Variants in LRRC4C observed in about 807,000 individuals in gnomAD.
The protein encoded by LRRC4C is leucine rich repeat containing 4C.
LRRC4C carries 5 observed loss-of-function variants against 33.6 expected under a neutral mutation model. The ratio of observed to expected loss-of-function variants is 0.15; its 90% confidence interval spans 0.08 to 0.31. The LOEUF is 0.31. Ranked by LOEUF, LRRC4C falls within the 10% of genes least tolerant of loss-of-function variation. The pLI is 1.00. For missense variants in LRRC4C, 560 were observed against 796.7 expected (o/e 0.70, Z 3.58); for synonymous variants, 329 against 302.0 (o/e 1.09, Z -0.93).
chr11:40,982,933 C>T (rs1852645889), intron 1 of LRRC4C, among the ~76,000 whole-genome samples: 1 of 152,070 alleles, frequency 6.6e-6, no homozygotes, highest in Non-Finnish European at 1.5e-5. Flanking sequence ...GTTTGGTTTT[C>T]TGTTCTGGTG....
intron 1 of LRRC4C, among the ~76,000 whole-genome samples, chr11:41,082,741 TTC>T (rs929332522): frequency 1.1e-4 from 16 of 152,188 alleles, no homozygotes; most frequent in Non-Finnish European, 1.9e-4. Context: ...GTGCTACATT[TTC>T]TCTTTTCCTT....
chr11:40,705,405 G>T (rs1946107391), intron 2 of LRRC4C, among the ~76,000 whole-genome samples: 1 of 151,846 alleles, frequency 6.6e-6, no homozygotes, highest in East Asian at 2.0e-4. Context: ...CCCGCCCTGT[G>T]TCCAAGTGTT....
intron 3 of LRRC4C, among the ~76,000 whole-genome samples, chr11:40,490,813 G>C (rs1488013589): frequency 6.6e-6 from 1 of 152,086 alleles, no homozygotes; most frequent in Non-Finnish European, 1.5e-5. Flanking sequence ...TAAAAACCTG[G>C]TTTAGGAAAT....
intron 5 of LRRC4C, among the ~76,000 whole-genome samples, chr11:40,169,093 G>T (rs1859835423): frequency 6.6e-6 from 1 of 152,088 alleles, no homozygotes; most frequent in South Asian, 2.1e-4. Flanking sequence ...GAATGAGTAT[G>T]CACTCTCATT....
chr11:40,215,758 G>A (rs182723792), intron 5 of LRRC4C, among the ~76,000 whole-genome samples: 1 of 152,252 alleles, frequency 6.6e-6, no homozygotes. Context: ...CACATAGAGT[G>A]CAAACACAAA....
At chr11:40,751,631 G>A (rs1948695691) in intron 2 of LRRC4C, among the ~76,000 whole-genome samples, 2 of 152,168 alleles carry the variant, frequency 1.3e-5, no homozygotes, top group South Asian at 2.1e-4. Context: ...CACATCCCAT[G>A]CTCATGAATT....
chr11:40,457,717 C>T (rs1000034971), intron 3 of LRRC4C, among the ~76,000 whole-genome samples: 2 of 152,136 alleles, frequency 1.3e-5, no homozygotes, highest in Admixed American at 1.3e-4. Flanking sequence ...CTTTGATCTC[C>T]ACTTTCCTAG....
At chr11:40,602,305 A>G (rs1053295569) in intron 3 of LRRC4C, among the ~76,000 whole-genome samples, 1 of 152,138 alleles carries the variant, frequency 6.6e-6, no homozygotes, top group Non-Finnish European at 1.5e-5. Context: ...TAACAGGTAC[A>G]AATATTGTGG....
chr11:40,711,657 A>C (rs1230335686), intron 2 of LRRC4C, among the ~76,000 whole-genome samples: 1 of 151,816 alleles, frequency 6.6e-6, no homozygotes, highest in Non-Finnish European at 1.5e-5. Context: ...GATAGACATG[A>C]CCTGAATAAA....
intron 2 of LRRC4C, among the ~76,000 whole-genome samples, chr11:40,672,199 G>A (rs1266075630): frequency 5.3e-5 from 8 of 152,178 alleles, no homozygotes; most frequent in Non-Finnish European, 1.0e-4. Flanking sequence ...AGATTTCTAG[G>A]TGTGTTTCAT....
chr11:40,926,783 TTAA>T (rs1200845252), intron 2 of LRRC4C, among the ~76,000 whole-genome samples: 1 of 151,944 alleles, frequency 6.6e-6, no homozygotes, highest in African/African-American at 2.4e-5. Flanking sequence ...ACCTTAAAAG[TTAA>T]AAAAAAATTA....
chr11:40,777,084 A>G (rs1950030219), intron 2 of LRRC4C, among the ~76,000 whole-genome samples: 3 of 152,232 alleles, frequency 2.0e-5, no homozygotes, highest in Non-Finnish European at 4.4e-5. Flanking sequence ...CTACGGTCTG[A>G]GAGTATGGTT....
intron 1 of LRRC4C, among the ~76,000 whole-genome samples, chr11:41,174,256 T>G (rs1487725535): frequency 6.6e-6 from 1 of 152,102 alleles, no homozygotes; most frequent in East Asian, 1.9e-4. Flanking sequence ...TCACTTAAGG[T>G]CCCTAAAAAA....
chr11:40,650,041 GT>G (rs1270842698), intron 2 of LRRC4C, among the ~76,000 whole-genome samples: 1 of 152,088 alleles, frequency 6.6e-6, no homozygotes, highest in South Asian at 2.1e-4. Context: ...AATATTTTTT[GT>G]GTTAAATCTG....
intron 3 of LRRC4C, among the ~76,000 whole-genome samples, chr11:40,556,245 T>C (rs549906753): frequency 1.8e-4 from 27 of 152,358 alleles, no homozygotes; most frequent in African/African-American, 6.3e-4. Flanking sequence ...CTGACATGTA[T>C]ATCCTATAGG....
intron 3 of LRRC4C, among the ~76,000 whole-genome samples, chr11:40,320,259 A>G (rs1367348649): frequency 6.6e-6 from 1 of 152,162 alleles, no homozygotes; most frequent in African/African-American, 2.4e-5. Flanking sequence ...TAATCCCAGC[A>G]CTTTGGGAGG....
intron 2 of LRRC4C, among the ~76,000 whole-genome samples, chr11:40,798,269 G>T (rs953108404): frequency 2.0e-5 from 3 of 152,168 alleles, no homozygotes; most frequent in African/African-American, 7.2e-5. Context: ...CAAGAAACCT[G>T]TGAGACCATA....
chr11:40,226,929 CTT>C (rs1277275079), intron 5 of LRRC4C, among the ~76,000 whole-genome samples: 1 of 152,130 alleles, frequency 6.6e-6, no homozygotes, highest in Non-Finnish European at 1.5e-5. Context: ...TACAAAGAGT[CTT>C]TTATCTCAGG....
chr11:40,648,394 T>C (rs891186695), intron 2 of LRRC4C, 116 bp from the exon 3 acceptor site: 2 of 152,192 alleles, frequency 1.3e-5, no homozygotes, highest in African/African-American at 4.8e-5. Flanking sequence ...CACACACACA[T>C]TGACCATTTT....
Sources: allele counts gnomAD v4.1 joint callset (sites outside exome capture counted in the v4.1 genomes callset), GRCh38; gene constraint gnomAD v4.1.1; transcripts MANE v1.5; gene names NCBI Gene and HGNC (gene_info 2026-07-23, HGNC 2026-07-21).